DCAF8L2: variants seen among roughly 807,000 people sequenced by gnomAD.
DCAF8L2 encodes DDB1- and CUL4-associated factor 8-like protein 2.
For missense variants in DCAF8L2, 430 were observed against 490.7 expected (o/e 0.88, Z 1.17); for synonymous variants, 200 against 190.9 (o/e 1.05, Z -0.39).
rs867553087 is a variant in DCAF8L2, at chrX:27,707,930, C to T, written c.-142-8158C>T. On this transcript the variant is annotated intron_variant, in intron 3 of 4. Transcript: ENST00000451261. Reference sequence around the variant, plus strand: ...CATCTTATTAGAGGTGCTTTTCTTTCCTATCCACCAATTTCAAAATCTTTT... The same window carrying T: ...CATCTTATTAGAGGTGCTTTTCTTTTCTATCCACCAATTTCAAAATCTTTT... 1.1e-4 allele frequency among the ~76,000 whole-genome samples: 12 copies of T among 111,545 alleles called. No homozygotes were observed. In the South Asian group the frequency reaches 1.5e-3, roughly 14 times the overall value.
At chrX:27,597,068 G>A (rs1209079600) in intron 1 of DCAF8L2, among the ~76,000 whole-genome samples, 12 of 111,348 alleles carry the variant, frequency 1.1e-4, no homozygotes, top group African/African-American at 3.9e-4. Flanking sequence ...AAGGCCATTT[G>A]GATTTGGAGT....
At chrX:27,735,843 A>G (rs1921489741) in intron 4 of DCAF8L2, among the ~76,000 whole-genome samples, 1 of 111,629 alleles carries the variant, frequency 9.0e-6, no homozygotes. Context: ...GGCACCCACT[A>G]ATAGAATCGG....
At chrX:27,554,160 C>A in the DCAF8L2 span, among the ~76,000 whole-genome samples, 1 of 111,350 alleles carries the variant, frequency 9.0e-6, no homozygotes, top group Non-Finnish European at 1.9e-5. Context: ...TACTCTCCGG[C>A]GCCTCACAGA....
chrX:27,651,744 T>C (rs917491908), intron 2 of DCAF8L2, among the ~76,000 whole-genome samples: 1 of 109,830 alleles, frequency 9.1e-6, no homozygotes, highest in South Asian at 3.9e-4. Context: ...TCTCCTGACT[T>C]CATGATCCAC....
At chrX:27,542,163 T>A in the DCAF8L2 span, among the ~76,000 whole-genome samples, 1 of 111,739 alleles carries the variant, frequency 8.9e-6, no homozygotes, top group Non-Finnish European at 1.9e-5. Context: ...AATGAATGAA[T>A]GAGTGCATGT....
intron 1 of DCAF8L2, among the ~76,000 whole-genome samples, chrX:27,625,334 A>T (rs1387967434): frequency 1.8e-5 from 2 of 111,982 alleles, no homozygotes; most frequent in Non-Finnish European, 3.8e-5. Context: ...ATTACTAAAA[A>T]GTCAAAAAAT....
intron 3 of DCAF8L2, among the ~76,000 whole-genome samples, chrX:27,681,141 A>G (rs1338314339): frequency 9.0e-6 from 1 of 111,641 alleles, no homozygotes; most frequent in Non-Finnish European, 1.9e-5. Context: ...TAAAAGAAGC[A>G]ATCAAGTCTT....
chrX:27,672,931 T>C (rs1929999315), intron 2 of DCAF8L2, among the ~76,000 whole-genome samples: 1 of 111,035 alleles, frequency 9.0e-6, no homozygotes, highest in East Asian at 2.9e-4. Context: ...CTACTTTACA[T>C]TGAAGAAAGA....
chrX:27,547,885 CTCTCTT>C, the DCAF8L2 span, among the ~76,000 whole-genome samples: 9 of 54,336 alleles, frequency 1.7e-4, no homozygotes, highest in African/African-American at 2.7e-4. Flanking sequence ...CTCTCTCTCT[CTCTCTT>C]TCTCTCTCTC....
At chrX:27,482,642 C>T in the DCAF8L2 span, among the ~76,000 whole-genome samples, 1 of 111,408 alleles carries the variant, frequency 9.0e-6, no homozygotes, top group Non-Finnish European at 1.9e-5. Flanking sequence ...TGAGAATGCT[C>T]CTTTACAAAA....
At chrX:27,653,859 G>A (rs1008913801) in intron 2 of DCAF8L2, among the ~76,000 whole-genome samples, 1 of 110,566 alleles carries the variant, frequency 9.0e-6, no homozygotes, top group African/African-American at 3.3e-5. Flanking sequence ...TTAGAAATAT[G>A]ACATTAGCAA....
intron 4 of DCAF8L2, among the ~76,000 whole-genome samples, chrX:27,729,215 G>A (rs972407885): frequency 1.5e-4 from 17 of 111,608 alleles, no homozygotes; most frequent in African/African-American, 5.2e-4. Flanking sequence ...TAGGATGTGG[G>A]CATGAAGAAG....
chrX:27,704,585 T>A (rs1322774378), intron 3 of DCAF8L2, among the ~76,000 whole-genome samples: 7 of 110,075 alleles, frequency 6.4e-5, no homozygotes, highest in Non-Finnish European at 9.5e-5. Context: ...GTCTGGAGAT[T>A]TAATGTACAG....
At chrX:27,697,336 G>A (rs141998282) in intron 3 of DCAF8L2, among the ~76,000 whole-genome samples, 1,402 of 111,509 alleles carry the variant, frequency 0.013, 9 homozygotes, top group Non-Finnish European at 0.02. Flanking sequence ...CAGATGCCTG[G>A]ATATGTATAG....
intron 4 of DCAF8L2, among the ~76,000 whole-genome samples, chrX:27,728,792 T>G (rs764187166): frequency 4.5e-5 from 5 of 112,307 alleles, no homozygotes; most frequent in Non-Finnish European, 7.5e-5. Context: ...GTCCAGACTT[T>G]AAAAAATTGC....
At chrX:27,531,784 A>G in the DCAF8L2 span, among the ~76,000 whole-genome samples, 3 of 111,457 alleles carry the variant, frequency 2.7e-5, no homozygotes, top group African/African-American at 9.8e-5. Flanking sequence ...TAAAAAGTGT[A>G]CAAGCCATAA....
the DCAF8L2 span, among the ~76,000 whole-genome samples, chrX:27,503,258 A>G: frequency 9.0e-6 from 1 of 110,948 alleles, no homozygotes; most frequent in African/African-American, 3.3e-5. Flanking sequence ...TTCTCTTTTA[A>G]TCTTACTGAC....
chrX:27,597,715 G>A (rs1926421097), intron 1 of DCAF8L2, among the ~76,000 whole-genome samples: 1 of 112,020 alleles, frequency 8.9e-6, no homozygotes, highest in African/African-American at 3.2e-5. Flanking sequence ...TCAAGCTGTG[G>A]AATTCAATTC....
intron 2 of DCAF8L2, among the ~76,000 whole-genome samples, chrX:27,657,023 C>A (rs1929379079): frequency 9.1e-6 from 1 of 110,368 alleles, no homozygotes; most frequent in Non-Finnish European, 1.9e-5. Flanking sequence ...ACCATCTAAT[C>A]AACTACTTGC....
Sources: gnomAD v4.1 joint callset for allele counts (sites outside exome capture counted in the v4.1 genomes callset) on GRCh38, gnomAD v4.1.1 for gene constraint, MANE v1.5 for transcripts, NCBI Gene and HGNC (gene_info 2026-07-23, HGNC 2026-07-21) for gene names.